Variants in CNTNAP5 observed in about 807,000 individuals in gnomAD.
CNTNAP5 encodes contactin associated protein family member 5.
In CNTNAP5, 72 loss-of-function variants were observed where a neutral mutation model predicts 150.2. The ratio of observed to expected loss-of-function variants is 0.48; its 90% CI spans 0.40 to 0.58. The LOEUF is 0.58. Among genes scored for constraint, CNTNAP5 ranks in the 20% least tolerant of loss-of-function variants. CNTNAP5 has a pLI of 0.00. For synonymous variants in CNTNAP5, 672 were observed against 619.8 expected, an observed-to-expected ratio of 1.08 and a Z score of -1.25; for missense variants, 1,636 against 1,626.2, an observed-to-expected ratio of 1.01 and a Z score of -0.10.
chr2:124,510,301 C>CTATA (rs368230554), intron 8 of CNTNAP5, among the ~76,000 whole-genome samples: 1 of 106,038 alleles, frequency 9.4e-6, no homozygotes, highest in Admixed American at 1.2e-4. Context: ...ATCTATATAT[C>CTATA]TATATATATA....
At chr2:124,150,746 A>C (rs1033391373) in intron 1 of CNTNAP5, among the ~76,000 whole-genome samples, 1 of 152,158 alleles carries the variant, frequency 6.6e-6, no homozygotes, top group African/African-American at 2.4e-5. Flanking sequence ...TCTTCATGAG[A>C]GGTCTACCCT....
At chr2:124,598,911 G>T (rs1411460266) in intron 11 of CNTNAP5, among the ~76,000 whole-genome samples, 1 of 151,962 alleles carries the variant, frequency 6.6e-6, no homozygotes, top group African/African-American at 2.4e-5. Context: ...GATTTTCCAG[G>T]TGCGTCCGTC....
intron 13 of CNTNAP5, among the ~76,000 whole-genome samples, chr2:124,721,897 T>C (rs912086828): frequency 6.6e-6 from 1 of 152,078 alleles, no homozygotes; most frequent in African/African-American, 2.4e-5. Flanking sequence ...AGAAATGTTT[T>C]TTTTCCAACA....
intron 21 of CNTNAP5, among the ~76,000 whole-genome samples, chr2:124,899,082 G>A (rs990018366): frequency 2.0e-5 from 3 of 151,342 alleles, no homozygotes; most frequent in East Asian, 1.9e-4. Flanking sequence ...GCCATGTCAC[G>A]TTAAACATCT....
At chr2:124,178,745 A>G (rs1378227231) in intron 1 of CNTNAP5, among the ~76,000 whole-genome samples, 1 of 152,012 alleles carries the variant, frequency 6.6e-6, no homozygotes, top group Non-Finnish European at 1.5e-5. Context: ...ACTTTTTTTA[A>G]AGAACTTCTA....
At chr2:124,274,137 G>T (rs1687826331) in intron 3 of CNTNAP5, among the ~76,000 whole-genome samples, 1 of 151,804 alleles carries the variant, frequency 6.6e-6, no homozygotes. Context: ...TGCTGTTTTT[G>T]TTTTGCTTTG....
intron 14 of CNTNAP5, among the ~76,000 whole-genome samples, chr2:124,759,380 A>ATATATATAAATTATATATATATC (rs1680908876): frequency 1.4e-5 from 2 of 146,736 alleles, no homozygotes; most frequent in African/African-American, 2.5e-5. Flanking sequence ...TATTTATTAT[A>ATATATATAAATTATATATATATC]TATATATAAA....
intron 13 of CNTNAP5, among the ~76,000 whole-genome samples, chr2:124,720,068 A>C (rs2105114781): frequency 6.6e-6 from 1 of 152,314 alleles, no homozygotes; most frequent in Non-Finnish European, 1.5e-5. Context: ...TGAATGAGAC[A>C]GAAGCGAGAC....
chr2:124,409,244 C>T (rs182168169), intron 3 of CNTNAP5, among the ~76,000 whole-genome samples: 3,695 of 101,934 alleles, frequency 0.036, 68 homozygotes, highest in Non-Finnish European at 0.06. Flanking sequence ...ACCAAATCTA[C>T]GTCTGATTGG....
intron 1 of CNTNAP5, among the ~76,000 whole-genome samples, chr2:124,159,480 G>C (rs1202506255): frequency 1.3e-5 from 2 of 150,618 alleles, no homozygotes; most frequent in Non-Finnish European, 2.9e-5. Flanking sequence ...GATTTGGCCT[G>C]TGGGTCATAG....
At chr2:124,891,753 CT>C (rs1348541270) in intron 21 of CNTNAP5, among the ~76,000 whole-genome samples, 1 of 152,030 alleles carries the variant, frequency 6.6e-6, no homozygotes, top group Admixed American at 6.6e-5. Context: ...CTATCTTTTT[CT>C]TAATTAAATA....
intron 13 of CNTNAP5, among the ~76,000 whole-genome samples, chr2:124,706,896 A>AGGAGAAGGAGAAGAAGAAGAGGAG (rs1371429874): frequency 1.1e-5 from 1 of 91,860 alleles, no homozygotes. Context: ...AGGAAGAGGA[A>AGGAGAAGGAGAAGAAGAAGAGGAG]GAAGAAGGAG....
intron 13 of CNTNAP5, among the ~76,000 whole-genome samples, chr2:124,741,377 T>TAGTA (rs770723474): frequency 1.6e-4 from 25 of 152,146 alleles, no homozygotes; most frequent in Non-Finnish European, 2.9e-4. Flanking sequence ...GCTGTTGTGT[T>TAGTA]TACTGTTTCC....
intron 5 of CNTNAP5, among the ~76,000 whole-genome samples, chr2:124,441,512 C>T (rs1376312539): frequency 6.6e-6 from 1 of 151,896 alleles, no homozygotes; most frequent in Admixed American, 6.6e-5. Context: ...TATTTTAAAT[C>T]AGTATAGTCT....
At chr2:124,137,190 C>T (rs140289316) in intron 1 of CNTNAP5, among the ~76,000 whole-genome samples, 17 of 151,866 alleles carry the variant, frequency 1.1e-4, no homozygotes, top group Admixed American at 8.5e-4. Context: ...GCCTGCTGTC[C>T]GTGTGTTAAC....
intron 21 of CNTNAP5, among the ~76,000 whole-genome samples, chr2:124,877,909 C>T (rs1573681993): frequency 6.6e-6 from 1 of 152,088 alleles, no homozygotes; most frequent in East Asian, 1.9e-4. Flanking sequence ...GTTCCTTATG[C>T]TAATTTATTT....
chr2:124,771,126 C>T (rs1270302706), intron 16 of CNTNAP5, among the ~76,000 whole-genome samples: 1 of 152,108 alleles, frequency 6.6e-6, no homozygotes, highest in African/African-American at 2.4e-5. Context: ...GGTTTAAAGG[C>T]TGGGAAGAAA....
At chr2:124,692,787 T>C (rs1679325574) in intron 13 of CNTNAP5, among the ~76,000 whole-genome samples, 1 of 152,078 alleles carries the variant, frequency 6.6e-6, no homozygotes, top group Admixed American at 6.6e-5. Flanking sequence ...TTGCTGAAGG[T>C]ATTATCTTCC....
chr2:124,039,980 A>G (rs948571119), intron 1 of CNTNAP5, among the ~76,000 whole-genome samples: 5 of 152,140 alleles, frequency 3.3e-5, no homozygotes, highest in Non-Finnish European at 7.3e-5. Flanking sequence ...GTCAAGATTT[A>G]TTATCCCCCA....
Sources: gnomAD v4.1 joint callset for allele counts (sites outside exome capture counted in the v4.1 genomes callset) on GRCh38, gnomAD v4.1.1 for gene constraint, MANE v1.5 for transcripts, NCBI Gene and HGNC (gene_info 2026-07-23, HGNC 2026-07-21) for gene names.